Variants in FOXP2 observed in about 807,000 individuals in gnomAD.
FOXP2 encodes the protein forkhead box protein P2.
A neutral mutation model predicts 115.8 loss-of-function variants in FOXP2; 12 were observed. The observed-to-expected ratio is 0.10, with a 90% confidence interval of 0.07 to 0.17. FOXP2 has a LOEUF of 0.17. FOXP2 is among the 10% of genes least tolerant of loss of function. FOXP2 has a pLI of 1.00. For missense variants in FOXP2, 629 were observed against 843.5 expected, an observed-to-expected ratio of 0.75 and a Z score of 3.15; for synonymous variants, 328 against 297.7, an observed-to-expected ratio of 1.10 and a Z score of -1.05.
At chr7:114,130,998 A>T (rs1425851083) in intron 1 of FOXP2, among the ~76,000 whole-genome samples, 2 of 152,240 alleles carry the variant, frequency 1.3e-5, no homozygotes, top group South Asian at 2.1e-4. Context: ...TGAACTTCGC[A>T]GAAATGTTTC....
chr7:114,464,271 A>T (rs1474534340), intron 2 of FOXP2, among the ~76,000 whole-genome samples: 1 of 152,128 alleles, frequency 6.6e-6, no homozygotes, highest in Non-Finnish European at 1.5e-5. Flanking sequence ...AGACAGAGAA[A>T]GGTAGGTGGG....
intron 2 of FOXP2, among the ~76,000 whole-genome samples, chr7:114,367,875 C>A (rs527318329): frequency 6.6e-6 from 1 of 152,124 alleles, no homozygotes; most frequent in African/African-American, 2.4e-5. Flanking sequence ...TATAAATACA[C>A]GTGTATATAC....
intron 2 of FOXP2, among the ~76,000 whole-genome samples, chr7:114,455,704 T>C (rs1795285564): frequency 6.6e-6 from 1 of 152,198 alleles, no homozygotes; most frequent in African/African-American, 2.4e-5. Flanking sequence ...GCCTACTTCC[T>C]TACACACAAT....
At chr7:114,367,698 C>A (rs1791913762) in intron 2 of FOXP2, among the ~76,000 whole-genome samples, 1 of 152,094 alleles carries the variant, frequency 6.6e-6, no homozygotes, top group African/African-American at 2.4e-5. Flanking sequence ...ATCTACTGTT[C>A]CCTGATCCTC....
intron 2 of FOXP2, among the ~76,000 whole-genome samples, chr7:114,374,315 C>A (rs1161892932): frequency 1.3e-5 from 2 of 152,094 alleles, no homozygotes; most frequent in East Asian, 3.8e-4. Flanking sequence ...AATTTGTTGA[C>A]ATATTTTAAG....
chr7:114,129,632 C>G (rs975785334), intron 1 of FOXP2, among the ~76,000 whole-genome samples: 3 of 152,164 alleles, frequency 2.0e-5, no homozygotes, highest in Non-Finnish European at 4.4e-5. Flanking sequence ...TGTCATCTTA[C>G]TTTTTCTGGA....
intron 3 of FOXP2, among the ~76,000 whole-genome samples, chr7:114,605,828 TAAAC>T (rs1803289155): frequency 6.6e-6 from 1 of 152,142 alleles, no homozygotes; most frequent in Non-Finnish European, 1.5e-5. Flanking sequence ...TAAGGAAAAA[TAAAC>T]TATCTTCTTT....
intron 2 of FOXP2, among the ~76,000 whole-genome samples, chr7:114,365,781 A>T (rs1791863845): frequency 6.6e-6 from 1 of 152,168 alleles, no homozygotes; most frequent in Non-Finnish European, 1.5e-5. Flanking sequence ...GAATTTCCCT[A>T]TAGAAAGTGC....
intron 3 of FOXP2, among the ~76,000 whole-genome samples, chr7:114,588,899 A>G (rs1475537810): frequency 1.3e-5 from 2 of 152,198 alleles, no homozygotes; most frequent in Admixed American, 6.5e-5. Context: ...TATAGATAGA[A>G]TATGGTAACT....
intron 3 of FOXP2, among the ~76,000 whole-genome samples, chr7:114,573,394 C>T (rs1801416127): frequency 6.6e-6 from 1 of 151,602 alleles, no homozygotes; most frequent in Non-Finnish European, 1.5e-5. Flanking sequence ...GTATTCATTG[C>T]ATTTATAAGT....
chr7:114,484,770 C>T (rs962199142), intron 2 of FOXP2, among the ~76,000 whole-genome samples: 4 of 151,774 alleles, frequency 2.6e-5, no homozygotes, highest in African/African-American at 4.8e-5. Flanking sequence ...TTAAAATGTA[C>T]GTTTTAGATA....
chr7:114,406,486 T>C (rs1793040635), intron 2 of FOXP2, among the ~76,000 whole-genome samples: 1 of 152,004 alleles, frequency 6.6e-6, no homozygotes, highest in Non-Finnish European at 1.5e-5. Flanking sequence ...CCTTATCATA[T>C]GCATTTTAGC....
intron 2 of FOXP2, among the ~76,000 whole-genome samples, chr7:114,512,375 G>A (rs375395296): frequency 3.9e-5 from 6 of 152,120 alleles, no homozygotes; most frequent in Admixed American, 6.6e-5. Context: ...GATCCCATAC[G>A]AATTCTCAAA....
rs891537131 is a variant in FOXP2, at chr7:114,309,305, T to G, written c.-11+21196T>G. Among the ~76,000 whole-genome samples, 27 of 152,214 alleles carry G rather than the reference T, an allele frequency of 1.8e-4. 1 individual carries two copies. Among genetic ancestry groups the G allele is most frequent in the African/African-American group, 6.5e-4 (27 of 41,458 alleles). ...GAAACTGGTTTCTTGTTATCTATAA[T>G]GTTAGACCCTTTCTCAGTTTTTGAC... is the stretch of plus-strand genomic sequence containing the variant. On this transcript the variant is annotated intron_variant, in intron 2 of 17. Transcript: ENST00000634411.
intron 2 of FOXP2, among the ~76,000 whole-genome samples, chr7:114,491,320 G>A (rs1200184801): frequency 1.3e-5 from 2 of 152,188 alleles, no homozygotes; most frequent in African/African-American, 4.8e-5. Flanking sequence ...AGAAGTGTCT[G>A]TTCATGTCCT....
intron 1 of FOXP2, among the ~76,000 whole-genome samples, chr7:114,109,537 A>T (rs947980120): frequency 2.0e-5 from 3 of 152,134 alleles, no homozygotes; most frequent in African/African-American, 7.2e-5. Flanking sequence ...TTTATGAAAG[A>T]GCAAGTAGAT....
intron 1 of FOXP2, among the ~76,000 whole-genome samples, chr7:114,277,301 G>A (rs1584601497): frequency 6.6e-6 from 1 of 152,118 alleles, no homozygotes; most frequent in East Asian, 1.9e-4. Flanking sequence ...TAACATGTTT[G>A]ACTTGAAACA....
chr7:114,199,074 G>T (rs1222825085), intron 1 of FOXP2, among the ~76,000 whole-genome samples: 2 of 152,176 alleles, frequency 1.3e-5, no homozygotes, highest in Non-Finnish European at 2.9e-5. Flanking sequence ...AGTGAGTGCA[G>T]TGGGGTGATC....
intron 1 of FOXP2, among the ~76,000 whole-genome samples, chr7:114,141,924 C>A (rs781139238): frequency 3.3e-5 from 5 of 152,160 alleles, no homozygotes; most frequent in African/African-American, 4.8e-5. Flanking sequence ...ATTGATGGTT[C>A]ATAGTCAGGT....
Sources: gnomAD v4.1 joint callset for allele counts (sites outside exome capture counted in the v4.1 genomes callset) on GRCh38, gnomAD v4.1.1 for gene constraint, MANE v1.5 for transcripts, NCBI Gene and HGNC (gene_info 2026-07-23, HGNC 2026-07-21) for gene names.